The following MICU1 variants were observed in gnomAD, a reference collection of about 807,000 sequenced individuals.
The protein encoded by MICU1 is calcium uptake protein 1, mitochondrial.
Under a neutral mutation model 56.8 loss-of-function variants are expected in MICU1, and 45 were observed. The observed-to-expected ratio is 0.79, with a 90% CI of 0.62 to 1.02. MICU1 has a LOEUF of 1.02. Ranked by LOEUF, MICU1 falls within the 50% of genes least tolerant of loss-of-function variation. The probability of loss-of-function intolerance (pLI) is 0.00; values close to 1 mark genes in which losing one functional copy is unlikely to be tolerated. For missense variants in MICU1, 504 were observed against 587.1 expected (o/e 0.86, Z 1.46); for synonymous variants, 186 against 195.1 (o/e 0.95, Z 0.39).
At chr10:72,523,599 G>A (rs1308948468) in intron 5 of MICU1, among the ~76,000 whole-genome samples, 2 of 151,968 alleles carry the variant, frequency 1.3e-5, no homozygotes, top group Non-Finnish European at 2.9e-5. Flanking sequence ...TGTGGTCTTC[G>A]TTAGTTATAT....
At chr10:72,520,613 C>T (rs1300071801) in intron 5 of MICU1, among the ~76,000 whole-genome samples, 1 of 151,986 alleles carries the variant, frequency 6.6e-6, no homozygotes, top group Non-Finnish European at 1.5e-5. Context: ...CTTTTCAGTC[C>T]CAATTCTAAC....
At chr10:72,512,737 A>G (rs1867517692) in intron 5 of MICU1, among the ~76,000 whole-genome samples, 1 of 136,852 alleles carries the variant, frequency 7.3e-6, no homozygotes. Flanking sequence ...TCTCACTCTG[A>G]CACCCAGGCT....
chr10:72,393,364 C>A (rs940833211), intron 10 of MICU1, among the ~76,000 whole-genome samples: 28 of 152,186 alleles, frequency 1.8e-4, no homozygotes, highest in Non-Finnish European at 3.4e-4. Flanking sequence ...ATGAAAAGGT[C>A]TTCCCGAGGA....
chr10:72,506,567 A>T (rs889894824), intron 6 of MICU1, among the ~76,000 whole-genome samples: 16 of 152,330 alleles, frequency 1.1e-4, no homozygotes, highest in Middle Eastern at 3.4e-3. Flanking sequence ...TAAAAATCAG[A>T]CACAAAGTAA....
chr10:72,445,741 C>T (rs1428236009), intron 8 of MICU1, among the ~76,000 whole-genome samples: 5 of 152,100 alleles, frequency 3.3e-5, no homozygotes, highest in Non-Finnish European at 7.4e-5. Flanking sequence ...GGTTATGTAT[C>T]AACTGTGTAC....
intron 10 of MICU1, among the ~76,000 whole-genome samples, chr10:72,395,439 G>A (rs1863217159): frequency 6.6e-6 from 1 of 152,178 alleles, no homozygotes; most frequent in Admixed American, 6.5e-5. Context: ...GTTGGACAGT[G>A]GGTGCAGCCC....
At chr10:72,454,643 C>T (rs1404175034) in intron 8 of MICU1, among the ~76,000 whole-genome samples, 4 of 149,672 alleles carry the variant, frequency 2.7e-5, no homozygotes, top group African/African-American at 7.4e-5. Flanking sequence ...ATTAGCCAGG[C>T]GTGGTGGTGT....
chr10:72,432,519 G>A (rs938307640), intron 8 of MICU1, among the ~76,000 whole-genome samples: 1 of 152,168 alleles, frequency 6.6e-6, no homozygotes, highest in Non-Finnish European at 1.5e-5. Context: ...GTTTATTTTG[G>A]TTCTGCAGGC....
chr10:72,533,202 TA>T, intron 5 of MICU1: 7 of 1,144,912 alleles, frequency 6.1e-6, no homozygotes, highest in Non-Finnish European at 8.1e-6. Flanking sequence ...TATGAGACAA[TA>T]AAACTGAAAG....
At chr10:72,555,077 G>A (rs2132452115) in intron 3 of MICU1, among the ~76,000 whole-genome samples, 1 of 152,162 alleles carries the variant, frequency 6.6e-6, no homozygotes, top group South Asian at 2.1e-4. Context: ...CATTCTATGT[G>A]ACGTTGAACA....
intron 8 of MICU1, among the ~76,000 whole-genome samples, chr10:72,457,591 C>T (rs1352380630): frequency 3.3e-5 from 5 of 152,098 alleles, no homozygotes; most frequent in Non-Finnish European, 5.9e-5. Flanking sequence ...GCTGGGGTCA[C>T]AGAATGAGCC....
At chr10:72,376,477 CTACAAAAAA>C (rs1023258732) in intron 10 of MICU1, among the ~76,000 whole-genome samples, 1 of 151,812 alleles carries the variant, frequency 6.6e-6, no homozygotes, top group Non-Finnish European at 1.5e-5. Flanking sequence ...AACCCTGTCT[CTACAAAAAA>C]TACAAAAAAT....
At chr10:72,500,721 C>G (rs751822402) in intron 6 of MICU1, among the ~76,000 whole-genome samples, 3 of 152,084 alleles carry the variant, frequency 2.0e-5, no homozygotes, top group Non-Finnish European at 4.4e-5. Flanking sequence ...TATATGAAGA[C>G]AAAGAACACA....
intron 8 of MICU1, among the ~76,000 whole-genome samples, chr10:72,471,597 TTC>T (rs1457013526): frequency 6.6e-6 from 1 of 152,066 alleles, no homozygotes; most frequent in Non-Finnish European, 1.5e-5. Flanking sequence ...TTTTTTAAAT[TTC>T]TTTGTTTGTT....
In MICU1 at chr10:72,607,379, G is replaced by A. The variant is rs532607863; in HGVS notation, c.-2+18631C>T. 1.1e-4 allele frequency among the ~76,000 whole-genome samples: 17 copies of A among 148,262 alleles called. 1 individual carries two copies. The South Asian group carries it at 2.4e-3, about 21-fold the overall frequency. On this transcript the variant is annotated intron_variant, in intron 1 of 11. Transcript: ENST00000361114. ...AAGGGAGCTGGGCGCAGTGGCTCAC[G>A]CCTGTAATCCCACCACTTGGGGAGG... is the stretch of plus-strand genomic sequence containing the variant.
At chr10:72,599,898 TAA>T (rs903010104) in intron 1 of MICU1, among the ~76,000 whole-genome samples, 1 of 152,182 alleles carries the variant, frequency 6.6e-6, no homozygotes, top group Non-Finnish European at 1.5e-5. Context: ...AGTGGAAAGA[TAA>T]AAGTTTTTGA....
At chr10:72,375,948 A>G in intron 10 of MICU1, 76 bp from the exon 11 acceptor site, 1 of 1,314,876 alleles carries the variant, frequency 7.6e-7, no homozygotes, top group Non-Finnish European at 1.1e-6. Context: ...GGATAAAACG[A>G]CTCAGTCATA....
chr10:72,604,082 C>T (rs976723566), intron 1 of MICU1, among the ~76,000 whole-genome samples: 3 of 152,116 alleles, frequency 2.0e-5, no homozygotes, highest in Admixed American at 6.6e-5. Flanking sequence ...CACACACACA[C>T]ATCTGCTAAC....
At chr10:72,541,464 T>C (rs1451005117) in intron 4 of MICU1, among the ~76,000 whole-genome samples, 3 of 152,180 alleles carry the variant, frequency 2.0e-5, no homozygotes, top group South Asian at 2.1e-4. Context: ...TTTCAGACTT[T>C]TGCATTCTGG....
Sources: gnomAD v4.1 joint callset for allele counts (sites outside exome capture counted in the v4.1 genomes callset) on GRCh38, gnomAD v4.1.1 for gene constraint, MANE v1.5 for transcripts, NCBI Gene and HGNC (gene_info 2026-07-23, HGNC 2026-07-21) for gene names.